The following SPTBN1 variants were observed in gnomAD, a reference collection of about 807,000 sequenced individuals.
The protein encoded by SPTBN1 is spectrin beta chain, non-erythrocytic 1.
A neutral mutation model predicts 266.4 loss-of-function variants in SPTBN1; 32 were observed. The observed-to-expected ratio is 0.12, with a 90% CI of 0.09 to 0.16. SPTBN1 has a LOEUF of 0.16. SPTBN1 is among the 10% of genes least tolerant of loss of function. SPTBN1 has a pLI of 1.00. For synonymous variants in SPTBN1, 1,336 were observed against 1,162.2 expected, an observed-to-expected ratio of 1.15 and a Z score of -3.04; for missense variants, 2,296 against 3,067.1, an observed-to-expected ratio of 0.75 and a Z score of 5.94.
At chr2:54,458,984 AAT>A (rs535900897) in intron 1 of SPTBN1, among the ~76,000 whole-genome samples, 82 of 152,350 alleles carry the variant, frequency 5.4e-4, no homozygotes, top group African/African-American at 1.9e-3. Context: ...TAGCCATTAA[AAT>A]ATGAGACTTT....
chr2:54,667,922 A>G (rs1249527590), intron 35 of SPTBN1, among the ~76,000 whole-genome samples: 2 of 152,158 alleles, frequency 1.3e-5, no homozygotes, highest in Admixed American at 6.5e-5. Flanking sequence ...TGGTCCCAGG[A>G]CTGGTTGTGG....
At chr2:54,610,013 A>G (rs1036576782) in intron 3 of SPTBN1, among the ~76,000 whole-genome samples, 1 of 144,476 alleles carries the variant, frequency 6.9e-6, no homozygotes, top group Non-Finnish European at 1.5e-5. Context: ...TCTTTCTCTT[A>G]CTGGGCTTTT....
intron 1 of SPTBN1, among the ~76,000 whole-genome samples, chr2:54,483,229 G>A (rs1668188230): frequency 6.6e-6 from 1 of 152,168 alleles, no homozygotes; most frequent in African/African-American, 2.4e-5. Context: ...AACAAGGACA[G>A]TGCTAGCACA....
In SPTBN1 at chr2:54,659,210, G is replaced by A. The variant is rs1052820; in HGVS notation, c.6300G>A (p.Pro2100=). The change falls in exon 31 of 36, where the codon CCG becomes CCA. Residue 2100 remains proline (P), a synonymous_variant. Coordinates refer to ENST00000356805, the MANE Select transcript of SPTBN1 (RefSeq NM_003128.3). ...QQEEEERKRR[P]PSPEPSTKVS... Reference sequence around the variant, plus strand: ...AGGAAGAGGAGAGGAAGAGGCGGCCGCCTTCTCCCGAGCCGAGCACGAAGG... The same window carrying A: ...AGGAAGAGGAGAGGAAGAGGCGGCCACCTTCTCCCGAGCCGAGCACGAAGG... 526,406 of 1,613,636 alleles carry A rather than the reference G, an allele frequency of 0.33. 88,297 individuals are homozygous for A. The highest frequency in any genetic ancestry group is 0.37 in the Admixed American group (21,981 of 59,984).
At chr2:54,530,290 T>TA (rs1300217465) in intron 2 of SPTBN1, among the ~76,000 whole-genome samples, 1 of 151,576 alleles carries the variant, frequency 6.6e-6, no homozygotes, top group African/African-American at 2.4e-5. Context: ...AACTACTTGT[T>TA]ACTAATTCTC....
Position 54,555,581 on chromosome 2 carries a change from C to G in SPTBN1, c.148+29015C>G, listed in dbSNP as rs573721588. Among the ~76,000 whole-genome samples, 3 of 152,306 alleles carry G rather than the reference C, an allele frequency of 2.0e-5. No homozygotes were observed. The South Asian group carries it at 6.2e-4, about 32-fold the overall frequency. On this transcript the variant is annotated intron_variant, in intron 2 of 35. Transcript: ENST00000356805. ...TGCCTTCATTTCCTCTCCTTTCTGCCCATTCTTACATACCACTTCCAGATT... is the reference window on the plus strand; with the variant it reads ...TGCCTTCATTTCCTCTCCTTTCTGCGCATTCTTACATACCACTTCCAGATT...
At position 54,659,142 on chromosome 2, in the gene SPTBN1, A is replaced by T. The variant is rs762796552; in HGVS notation, c.6244-12A>T. On this transcript the variant is annotated splice_polypyrimidine_tract_variant and intron_variant, in intron 30 of 35. Coordinates refer to ENST00000356805, the MANE Select transcript of SPTBN1 (RefSeq NM_003128.3). ...TTGGGACTCTACCAAACATCACTCTATTTTCTCTTAGTTGGAGTTACTGGA... is the reference window on the plus strand; with the variant it reads ...TTGGGACTCTACCAAACATCACTCTTTTTTCTCTTAGTTGGAGTTACTGGA... 1.9e-6 allele frequency: 3 copies of T among 1,613,432 alleles called. No individual in the cohort carries two copies. Among genetic ancestry groups the T allele is most frequent in the Non-Finnish European group, 2.5e-6 (3 of 1,179,602 alleles).
At chr2:54,480,181 C>T (rs1400697065) in intron 1 of SPTBN1, among the ~76,000 whole-genome samples, 1 of 151,958 alleles carries the variant, frequency 6.6e-6, no homozygotes, top group Non-Finnish European at 1.5e-5. Flanking sequence ...ACTCATTTAT[C>T]AGGTTGTGTG....
intron 1 of SPTBN1, among the ~76,000 whole-genome samples, chr2:54,464,399 T>C (rs1386000498): frequency 6.6e-6 from 1 of 152,142 alleles, no homozygotes; most frequent in African/African-American, 2.4e-5. Context: ...AATACAGGGG[T>C]TAGTGGAAAT....
chr2:54,573,641 A>G (rs763586615), intron 2 of SPTBN1, among the ~76,000 whole-genome samples: 3 of 152,214 alleles, frequency 2.0e-5, no homozygotes, highest in Non-Finnish European at 4.4e-5. Flanking sequence ...TCATTTGCTA[A>G]GGTTTTCTGC....
chr2:54,526,744 GC>G (rs1670841213), intron 2 of SPTBN1, 178 bp downstream of exon 2: 2 of 714,522 alleles, frequency 2.8e-6, no homozygotes, highest in East Asian at 6.3e-5. Flanking sequence ...TATTTGGAGA[GC>G]TGTCAACTCT....
chr2:54,494,243 A>T (rs1412810481), intron 1 of SPTBN1, among the ~76,000 whole-genome samples: 1 of 152,250 alleles, frequency 6.6e-6, no homozygotes, highest in East Asian at 1.9e-4. Context: ...CATCCCTTTT[A>T]AAAAGGACTT....
chr2:54,516,906 TA>T (rs746088633), intron 1 of SPTBN1, among the ~76,000 whole-genome samples: 1 of 152,134 alleles, frequency 6.6e-6, no homozygotes, highest in Non-Finnish European at 1.5e-5. Context: ...AAGGGCAGGA[TA>T]GGGGCAGCCT....
chr2:54,653,570 C>G lies in SPTBN1; in HGVS notation c.5578-39C>G. ...CTTGGGGTGATGGTGGGAAGGCCGC[C>G]ATGGGCTGACCTGGCTCATCCCCTA... On this transcript the variant is annotated intron_variant, in intron 26 of 35. Transcript: ENST00000356805. The surrounding 1 kb of genome is among the most constrained non-coding windows in gnomAD (Gnocchi z 5.1). 6.2e-7 allele frequency: 1 copy of G among 1,602,664 alleles called. No homozygotes were observed.
At chr2:54,587,653 C>T (rs1422162568) in intron 2 of SPTBN1, among the ~76,000 whole-genome samples, 1 of 152,180 alleles carries the variant, frequency 6.6e-6, no homozygotes. Flanking sequence ...GAGCCTTCAG[C>T]TTGTGGGGAG....
intron 19 of SPTBN1, 35 bp downstream of exon 19, chr2:54,643,164 A>C: frequency 1.9e-6 from 3 of 1,612,690 alleles, no homozygotes; most frequent in Non-Finnish European, 2.5e-6. Context: ...CATGGTGAGA[A>C]AACAAACAGG....
In SPTBN1 at chr2:54,631,596, C is replaced by T. The variant is rs1678735359; in HGVS notation, c.3549C>T (p.Ala1183=). The part of the protein sequence containing the change: ...QFLRDTKQAE[A]FLNNQEYVLA... ...TCAGAGACACGAAGCAAGCCGAAGCCTTTCTTAACAACCAGGTAAGGTTTG... is the reference window on the plus strand; with the variant it reads ...TCAGAGACACGAAGCAAGCCGAAGCTTTTCTTAACAACCAGGTAAGGTTTG... The change falls in exon 16 of 36, where the codon GCC becomes GCT. Residue 1183 remains alanine, a synonymous_variant. Transcript: ENST00000356805. 1.9e-6 allele frequency: 3 copies of T among 1,610,972 alleles called. No homozygotes were observed. Among genetic ancestry groups the T allele is most frequent in the Admixed American group, 3.3e-5 (2 of 60,004 alleles).
rs1351801899 is a variant in SPTBN1, at chr2:54,611,315, A to G, written c.301-846A>G. On this transcript the variant is annotated intron_variant, in intron 3 of 35. Coordinates refer to ENST00000356805, the MANE Select transcript of SPTBN1 (RefSeq NM_003128.3). ...TTGAAAAATATCCATGTATAAGTGC[A>G]TTTGAATAGTTCAGGCCCAACTAAA... Among the ~76,000 whole-genome samples, 4 of 152,312 alleles carry G rather than the reference A, an allele frequency of 2.6e-5. No individual in the cohort carries two copies. The South Asian group carries it at 6.2e-4, about 24-fold the overall frequency.
At chr2:54,534,484 T>C (rs530310581) in intron 2 of SPTBN1, among the ~76,000 whole-genome samples, 3 of 152,340 alleles carry the variant, frequency 2.0e-5, no homozygotes, top group Admixed American at 2.0e-4. Flanking sequence ...TGAAAGCTAT[T>C]GAGAGAAAGT....
Sources: allele counts gnomAD v4.1 joint callset (sites outside exome capture counted in the v4.1 genomes callset), GRCh38; gene constraint gnomAD v4.1.1; non-coding constraint Gnocchi (gnomAD v3.1); transcripts MANE v1.5; gene names NCBI Gene and HGNC (gene_info 2026-07-23, HGNC 2026-07-21).